Variants in DPP10 observed in about 807,000 individuals in gnomAD.
The protein encoded by DPP10 is dipeptidyl peptidase like 10.
A neutral mutation model predicts 120.9 loss-of-function variants in DPP10; 33 were observed. The ratio of observed to expected loss-of-function variants is 0.27; its 90% confidence interval spans 0.21 to 0.37. DPP10 has a LOEUF of 0.37. Among genes scored for constraint, DPP10 ranks in the 10% least tolerant of loss-of-function variants. The pLI, the probability that DPP10 is intolerant of heterozygous loss-of-function variation, is 1.00. For missense variants in DPP10, 816 were observed against 942.8 expected, an observed-to-expected ratio of 0.87 and a Z score of 1.76; for synonymous variants, 337 against 326.1, an observed-to-expected ratio of 1.03 and a Z score of -0.36.
intron 5 of DPP10, among the ~76,000 whole-genome samples, chr2:115,625,860 A>G (rs1344206838): frequency 3.3e-5 from 5 of 152,048 alleles, no homozygotes; most frequent in African/African-American, 1.2e-4. Flanking sequence ...GAACTGATAT[A>G]AAGTGATTAA....
chr2:115,082,105 T>C (rs1291934301), intron 1 of DPP10, among the ~76,000 whole-genome samples: 2 of 152,224 alleles, frequency 1.3e-5, no homozygotes, highest in East Asian at 3.8e-4. Context: ...GCTTTTTTAG[T>C]TGTTTTCAAC....
At chr2:115,784,377 A>C (rs879293815) in intron 17 of DPP10, among the ~76,000 whole-genome samples, 1 of 152,288 alleles carries the variant, frequency 6.6e-6, no homozygotes, top group South Asian at 2.1e-4. Flanking sequence ...AGCATGGAAA[A>C]CCTTTAAACC....
intron 1 of DPP10, among the ~76,000 whole-genome samples, chr2:115,217,546 T>C (rs922275102): frequency 6.6e-6 from 1 of 152,212 alleles, no homozygotes; most frequent in South Asian, 2.1e-4. Flanking sequence ...ATAGTAGATA[T>C]TTAATTAATT....
At chr2:115,594,688 G>A (rs1206609911) in intron 5 of DPP10, among the ~76,000 whole-genome samples, 1 of 152,032 alleles carries the variant, frequency 6.6e-6, no homozygotes, top group Non-Finnish European at 1.5e-5. Context: ...CCCATAAGAA[G>A]CAAGTTTTGT....
At chr2:115,187,019 CTTTTTTTTTTTTTTTTTTT>C (rs147014349) in intron 1 of DPP10, among the ~76,000 whole-genome samples, 7,001 of 63,242 alleles carry the variant, frequency 0.11, 310 homozygotes, top group Middle Eastern at 0.28. Context: ...TGCAAAGATT[CTTTTTTTTTTTTTTTTTTT>C]TTTTTTTTTT....
intron 5 of DPP10, among the ~76,000 whole-genome samples, chr2:115,533,291 C>T (rs1047711815): frequency 6.6e-6 from 1 of 152,008 alleles, no homozygotes; most frequent in African/African-American, 2.4e-5. Flanking sequence ...TCCTTTAAAT[C>T]GTGTCTACTA....
chr2:115,131,300 A>T (rs1261522967), intron 1 of DPP10, among the ~76,000 whole-genome samples: 3 of 152,204 alleles, frequency 2.0e-5, no homozygotes, highest in Non-Finnish European at 2.9e-5. Context: ...GCATTACTTG[A>T]TTCCAGGAGT....
At chr2:115,253,563 T>C (rs2058844366) in intron 1 of DPP10, among the ~76,000 whole-genome samples, 1 of 152,114 alleles carries the variant, frequency 6.6e-6, no homozygotes, top group Non-Finnish European at 1.5e-5. Context: ...TGGATAAACA[T>C]TTCTGCTCCA....
intron 3 of DPP10, among the ~76,000 whole-genome samples, chr2:115,381,310 C>G (rs1473226858): frequency 6.6e-6 from 1 of 152,180 alleles, no homozygotes; most frequent in African/African-American, 2.4e-5. Context: ...ATTTCATCTT[C>G]CATCACTAAT....
intron 1 of DPP10, among the ~76,000 whole-genome samples, chr2:114,922,098 A>T (rs1364243242): frequency 2.0e-5 from 3 of 152,246 alleles, no homozygotes; most frequent in Non-Finnish European, 4.4e-5. Context: ...TATAATTTAC[A>T]TACCATAAAG....
chr2:115,088,155 A>G (rs1708882275), intron 1 of DPP10, among the ~76,000 whole-genome samples: 1 of 152,232 alleles, frequency 6.6e-6, no homozygotes, highest in Admixed American at 6.5e-5. Flanking sequence ...AATCCCATTC[A>G]TGAGGGCTCC....
At chr2:115,745,574 G>A (rs867674612) in intron 9 of DPP10, among the ~76,000 whole-genome samples, 8 of 150,646 alleles carry the variant, frequency 5.3e-5, no homozygotes, top group African/African-American at 9.7e-5. Flanking sequence ...AAGCCCGGGA[G>A]ATTAATGCGA....
chr2:115,152,702 T>C (rs956945945), intron 1 of DPP10, among the ~76,000 whole-genome samples: 3 of 152,176 alleles, frequency 2.0e-5, no homozygotes, highest in Non-Finnish European at 2.9e-5. Context: ...TTATCCTCAG[T>C]ATGGGGTCCT....
rs184129233 is a variant in DPP10, at chr2:115,616,365, A to G, written c.442-73322A>G. Reference sequence around the variant, plus strand: ...CAATTGAGGTAACTGGGTCACAGAGAATGAAGCCTCGCAACCATGGTTATG... The same window carrying G: ...CAATTGAGGTAACTGGGTCACAGAGGATGAAGCCTCGCAACCATGGTTATG... On this transcript the variant is annotated intron_variant, in intron 5 of 25. Transcript: ENST00000410059. Among the ~76,000 whole-genome samples, 26 of 152,108 alleles carry G rather than the reference A, an allele frequency of 1.7e-4. No homozygotes were observed. In the East Asian group the frequency reaches 4.7e-3, roughly 27 times the overall value.
At chr2:114,727,992 A>G (rs1676504911) in intron 1 of DPP10, among the ~76,000 whole-genome samples, 1 of 152,348 alleles carries the variant, frequency 6.6e-6, no homozygotes, top group East Asian at 1.9e-4. Flanking sequence ...TAATATCCCC[A>G]TGATCAAAGG....
At chr2:114,799,528 T>C (rs557516346) in intron 1 of DPP10, among the ~76,000 whole-genome samples, 33 of 152,198 alleles carry the variant, frequency 2.2e-4, no homozygotes, top group Non-Finnish European at 3.5e-4. Flanking sequence ...CAAGTTTCAA[T>C]TGTGTTTAAA....
intron 1 of DPP10, among the ~76,000 whole-genome samples, chr2:114,900,890 T>C (rs1295964803): frequency 6.6e-6 from 1 of 152,176 alleles, no homozygotes; most frequent in Non-Finnish European, 1.5e-5. Flanking sequence ...AAAATGCATA[T>C]TATGAAAAAA....
intron 1 of DPP10, among the ~76,000 whole-genome samples, chr2:115,025,856 G>T (rs745808764): frequency 2.6e-5 from 4 of 151,752 alleles, no homozygotes; most frequent in Non-Finnish European, 5.9e-5. Context: ...ATTTTGTGGG[G>T]TCTTTTTGGG....
chr2:115,082,671 C>T (rs4848378), intron 1 of DPP10, among the ~76,000 whole-genome samples: 2 of 151,960 alleles, frequency 1.3e-5, no homozygotes, highest in East Asian at 1.9e-4. Flanking sequence ...AATTACTGGA[C>T]GATTTGAGTC....
Sources: allele counts gnomAD v4.1 joint callset (sites outside exome capture counted in the v4.1 genomes callset), GRCh38; gene constraint gnomAD v4.1.1; transcripts MANE v1.5; gene names NCBI Gene and HGNC (gene_info 2026-07-23, HGNC 2026-07-21).